The following CACHD1 variants were observed in gnomAD, a reference collection of about 807,000 sequenced individuals.
CACHD1 encodes VWFA and cache domain-containing protein 1.
Under a neutral mutation model 138.7 loss-of-function variants are expected in CACHD1, and 71 were observed. The ratio of observed to expected loss-of-function variants is 0.51; its 90% CI spans 0.42 to 0.62. The LOEUF is 0.62. CACHD1 is among the 20% of genes least tolerant of loss of function. CACHD1 has a pLI of 0.00. For missense variants in CACHD1, 1,389 were observed against 1,625.3 expected (o/e 0.85, Z 2.50); for synonymous variants, 578 against 591.5 (o/e 0.98, Z 0.33).
At chr1:64,531,377 T>C (rs1009853479) in intron 1 of CACHD1, among the ~76,000 whole-genome samples, 1 of 152,160 alleles carries the variant, frequency 6.6e-6, no homozygotes, top group Non-Finnish European at 1.5e-5. Flanking sequence ...TTGAAGAGAT[T>C]GAGAAGGGAG....
At chr1:64,625,592 A>C (rs376487811) in intron 4 of CACHD1, among the ~76,000 whole-genome samples, 13 of 151,502 alleles carry the variant, frequency 8.6e-5, no homozygotes, top group African/African-American at 3.2e-4. Flanking sequence ...GCACCACTGC[A>C]CTCCAGCCTG....
chr1:64,492,766 A>G (rs140175215), intron 1 of CACHD1, among the ~76,000 whole-genome samples: 3 of 152,224 alleles, frequency 2.0e-5, no homozygotes, highest in Non-Finnish European at 4.4e-5. Context: ...ATTTTTTCTT[A>G]GCCTAGTTTA....
intron 2 of CACHD1, among the ~76,000 whole-genome samples, chr1:64,565,823 T>A (rs552719081): frequency 2.0e-5 from 3 of 152,330 alleles, no homozygotes; most frequent in East Asian, 3.9e-4. Flanking sequence ...AGAGAGGTAA[T>A]AAGTATAAAT....
chr1:64,489,799 A>G (rs1646263527), intron 1 of CACHD1, among the ~76,000 whole-genome samples: 1 of 152,220 alleles, frequency 6.6e-6, no homozygotes, highest in Non-Finnish European at 1.5e-5. Flanking sequence ...TTGAGCAGCC[A>G]GGAAGAGTCC....
At chr1:64,521,748 A>G (rs1436036300) in intron 1 of CACHD1, among the ~76,000 whole-genome samples, 1 of 152,192 alleles carries the variant, frequency 6.6e-6, no homozygotes, top group Non-Finnish European at 1.5e-5. Context: ...GCTGGTTCAT[A>G]TGGTAACAGT....
chr1:64,524,378 T>C (rs979234477), intron 1 of CACHD1, among the ~76,000 whole-genome samples: 1 of 152,218 alleles, frequency 6.6e-6, no homozygotes, highest in Admixed American at 6.5e-5. Flanking sequence ...AGTGAGCCCA[T>C]TGTAGTGTGT....
At chr1:64,485,914 T>C (rs879301869) in intron 1 of CACHD1, among the ~76,000 whole-genome samples, 1 of 152,196 alleles carries the variant, frequency 6.6e-6, no homozygotes, top group Non-Finnish European at 1.5e-5. Context: ...GTTAAGTGTA[T>C]GTTAAACTTT....
chr1:64,683,707 A>G (rs995166918), intron 26 of CACHD1, among the ~76,000 whole-genome samples: 4 of 152,190 alleles, frequency 2.6e-5, no homozygotes, highest in African/African-American at 9.6e-5. Context: ...AAGGTATGAA[A>G]AATAGTTTCT....
intron 1 of CACHD1, among the ~76,000 whole-genome samples, chr1:64,508,039 T>A (rs1646390459): frequency 6.6e-6 from 1 of 152,198 alleles, no homozygotes; most frequent in African/African-American, 2.4e-5. Flanking sequence ...CTCAGGAAAC[T>A]TAAAACCGTG....
intron 1 of CACHD1, among the ~76,000 whole-genome samples, chr1:64,542,654 C>T (rs1344810252): frequency 6.6e-6 from 1 of 151,994 alleles, no homozygotes; most frequent in Non-Finnish European, 1.5e-5. Context: ...ATATTATTTA[C>T]AGGCAAGCCC....
Position 64,620,865 on chromosome 1 carries a change from A to G in CACHD1, c.518-8490A>G, listed in dbSNP as rs142369060. Among the ~76,000 whole-genome samples, 368 of 152,246 alleles carry G rather than the reference A, an allele frequency of 2.4e-3. 9 individuals carry two copies. The East Asian group carries it at 0.062, about 26-fold the overall frequency. On this transcript the variant is annotated intron_variant, in intron 4 of 26. Coordinates refer to ENST00000651257, the MANE Select transcript of CACHD1 (RefSeq NM_020925.4). Reference sequence around the variant, plus strand: ...TCTGTCTTCTCCAGACTACCAATGCATTTATGGAACAGAAACTATTAAGAT... The same window carrying G: ...TCTGTCTTCTCCAGACTACCAATGCGTTTATGGAACAGAAACTATTAAGAT...
At chr1:64,526,971 G>T (rs1258324701) in intron 1 of CACHD1, among the ~76,000 whole-genome samples, 1 of 152,158 alleles carries the variant, frequency 6.6e-6, no homozygotes, top group Non-Finnish European at 1.5e-5. Flanking sequence ...TTGGTGTAAT[G>T]GTTCCAGACG....
At chr1:64,642,379 G>A (rs558039107) in intron 8 of CACHD1, among the ~76,000 whole-genome samples, 4 of 152,202 alleles carry the variant, frequency 2.6e-5, no homozygotes, top group Non-Finnish European at 5.9e-5. Flanking sequence ...ACATTTTCCT[G>A]CAGAATCACC....
intron 1 of CACHD1, among the ~76,000 whole-genome samples, chr1:64,511,196 G>T (rs61787363): frequency 2.0e-5 from 3 of 152,208 alleles, no homozygotes; most frequent in Non-Finnish European, 4.4e-5. Context: ...TGTAGAGCAG[G>T]CACTGTACTT....
chr1:64,632,060 G>A lies in CACHD1; in HGVS notation c.645-539G>A, dbSNP rs143313527. Among the ~76,000 whole-genome samples the A allele has an allele frequency of 5.2e-3, 795 of 152,054 alleles. 6 individuals are homozygous for A. Among genetic ancestry groups the A allele is most frequent in the African/African-American group, 0.018 (762 of 41,490 alleles). ...AGTCTGCAGAGGAGAATCCAACCCT[G>A]GTGATGGGACCTTTTTCTCCTTGGC... is the stretch of plus-strand genomic sequence containing the variant. On this transcript the variant is annotated intron_variant, in intron 5 of 26. Coordinates refer to ENST00000651257, the MANE Select transcript of CACHD1 (RefSeq NM_020925.4).
chr1:64,529,805 A>C (rs1434022047), intron 1 of CACHD1, among the ~76,000 whole-genome samples: 1 of 152,198 alleles, frequency 6.6e-6, no homozygotes, highest in African/African-American at 2.4e-5. Flanking sequence ...GCCAAGAACT[A>C]TTCTACAGGC....
intron 2 of CACHD1, among the ~76,000 whole-genome samples, chr1:64,566,912 G>C (rs1646887304): frequency 6.6e-6 from 1 of 151,914 alleles, no homozygotes; most frequent in South Asian, 2.1e-4. Flanking sequence ...ATAATATTTA[G>C]AATTAAATAT....
At chr1:64,528,417 T>A (rs577094811) in intron 1 of CACHD1, among the ~76,000 whole-genome samples, 1 of 152,316 alleles carries the variant, frequency 6.6e-6, no homozygotes, top group South Asian at 2.1e-4. Flanking sequence ...ACAACCCCAT[T>A]TCAAGTGTGA....
At chr1:64,544,958 T>G (rs1259522872) in intron 1 of CACHD1, among the ~76,000 whole-genome samples, 1 of 152,150 alleles carries the variant, frequency 6.6e-6, no homozygotes, top group African/African-American at 2.4e-5. Context: ...GCAATTAAAA[T>G]GTAGCCTCGG....
Sources: allele counts gnomAD v4.1 joint callset (sites outside exome capture counted in the v4.1 genomes callset), GRCh38; gene constraint gnomAD v4.1.1; transcripts MANE v1.5; gene names NCBI Gene and HGNC (gene_info 2026-07-23, HGNC 2026-07-21).